The following IMMP1L variants were observed in gnomAD, a reference collection of about 807,000 sequenced individuals.
IMMP1L encodes the protein inner mitochondrial membrane peptidase subunit 1, also known as mitochondrial inner membrane protease subunit 1.
A neutral mutation model predicts 21.8 loss-of-function variants in IMMP1L; 24 were observed. The observed-to-expected ratio is 1.10, with a 90% CI of 0.80 to 1.55. IMMP1L has a LOEUF of 1.55. Ranked by LOEUF, IMMP1L falls within the 40% of genes most tolerant of loss-of-function variation. IMMP1L has a pLI of 0.00. For synonymous variants in IMMP1L, 46 were observed against 62.8 expected, an observed-to-expected ratio of 0.73 and a Z score of 1.26; for missense variants, 195 against 200.7, an observed-to-expected ratio of 0.97 and a Z score of 0.17.
At chr11:31,453,209 C>T in intron 4 of IMMP1L, 1 of 650,548 alleles carries the variant, frequency 1.5e-6, no homozygotes, top group Admixed American at 3.5e-5. Context: ...AATGATCCCA[C>T]ATCACTACAT....
rs531057680 is a variant in IMMP1L, at chr11:31,506,348, C to A, written c.-30+3171G>T. On this transcript the variant is annotated intron_variant, in intron 1 of 5. Coordinates refer to ENST00000532287, the MANE Select transcript of IMMP1L (RefSeq NM_001304274.2). ...GGTTCACCCCATTCTCCTGCCTCAG[C>A]CTCCTGAGCAGCTGGGACCACAGAA... 4.7e-4 allele frequency among the ~76,000 whole-genome samples: 72 copies of A among 151,714 alleles called. No homozygotes were observed. In the South Asian group the frequency reaches 0.014, roughly 29 times the overall value.
chr11:31,438,794 T>A (rs1410110346), intron 4 of IMMP1L, among the ~76,000 whole-genome samples: 1 of 152,188 alleles, frequency 6.6e-6, no homozygotes. Flanking sequence ...ATCTTATTCT[T>A]GAAGTTGTTA....
chr11:31,500,460 C>T (rs1254438765), intron 1 of IMMP1L, among the ~76,000 whole-genome samples: 1 of 152,016 alleles, frequency 6.6e-6, no homozygotes, highest in Non-Finnish European at 1.5e-5. Context: ...CTGTCTGCCA[C>T]CACCTTCTCC....
intron 1 of IMMP1L, among the ~76,000 whole-genome samples, chr11:31,499,558 T>A (rs563475653): frequency 3.3e-5 from 5 of 152,138 alleles, no homozygotes; most frequent in Non-Finnish European, 7.4e-5. Context: ...CCAGATATGG[T>A]TAGCAAATTA....
chr11:31,491,375 T>G (rs1299825885), intron 1 of IMMP1L, among the ~76,000 whole-genome samples: 1 of 152,196 alleles, frequency 6.6e-6, no homozygotes. Context: ...AGGTTTCTGA[T>G]GAACTCTCAA....
chr11:31,509,235 C>G (rs952662594), intron 1 of IMMP1L, among the ~76,000 whole-genome samples: 2 of 152,198 alleles, frequency 1.3e-5, no homozygotes, highest in Admixed American at 1.3e-4. Context: ...CACTAACGAA[C>G]TAAGCCCAGA....
At chr11:31,451,974 A>T (rs566604900) in intron 4 of IMMP1L, among the ~76,000 whole-genome samples, 1 of 152,224 alleles carries the variant, frequency 6.6e-6, no homozygotes, top group Non-Finnish European at 1.5e-5. Flanking sequence ...TTTGAGAACA[A>T]CTATTTCAAA....
intron 1 of IMMP1L, among the ~76,000 whole-genome samples, chr11:31,465,743 T>C (rs557168325): frequency 3.9e-5 from 6 of 152,140 alleles, no homozygotes; most frequent in Non-Finnish European, 8.8e-5. Context: ...TATCCACATG[T>C]AGAAGGACAA....
intron 4 of IMMP1L, among the ~76,000 whole-genome samples, chr11:31,447,217 C>G (rs1348766301): frequency 6.6e-6 from 1 of 152,190 alleles, no homozygotes; most frequent in South Asian, 2.1e-4. Context: ...ACTCCTATAG[C>G]CTCCTGAAAG....
intron 4 of IMMP1L, among the ~76,000 whole-genome samples, chr11:31,445,457 A>T (rs185300765): frequency 1.1e-3 from 175 of 152,346 alleles, no homozygotes; most frequent in African/African-American, 4.1e-3. Context: ...TTTATATCTG[A>T]AAGGGTATTA....
intron 1 of IMMP1L, among the ~76,000 whole-genome samples, chr11:31,498,992 G>A (rs1040595001): frequency 1.3e-5 from 2 of 152,148 alleles, no homozygotes; most frequent in Non-Finnish European, 2.9e-5. Context: ...GTTTTACCAT[G>A]TGTCTTTTGA....
intron 1 of IMMP1L, among the ~76,000 whole-genome samples, chr11:31,471,659 T>G (rs1954555950): frequency 6.6e-6 from 1 of 152,136 alleles, no homozygotes; most frequent in Non-Finnish European, 1.5e-5. Flanking sequence ...TTTGTCAGTT[T>G]GATGGTAGAA....
intron 1 of IMMP1L, among the ~76,000 whole-genome samples, chr11:31,506,159 G>A (rs1348188438): frequency 6.6e-6 from 1 of 151,652 alleles, no homozygotes; most frequent in Non-Finnish European, 1.5e-5. Context: ...CCTGAGCTCT[G>A]GTGCACTTCC....
At chr11:31,451,413 T>G (rs1180354199) in intron 4 of IMMP1L, among the ~76,000 whole-genome samples, 1 of 152,174 alleles carries the variant, frequency 6.6e-6, no homozygotes, top group Admixed American at 6.5e-5. Flanking sequence ...AACTAATGGA[T>G]GGTAGCAGTG....
At chr11:31,441,670 A>G (rs1453636733) in intron 4 of IMMP1L, among the ~76,000 whole-genome samples, 3 of 152,156 alleles carry the variant, frequency 2.0e-5, no homozygotes, top group African/African-American at 7.2e-5. Context: ...TTCAAACCAG[A>G]TAATAGAAAA....
intron 4 of IMMP1L, among the ~76,000 whole-genome samples, chr11:31,449,302 G>C (rs1336856096): frequency 6.6e-6 from 1 of 152,078 alleles, no homozygotes; most frequent in Non-Finnish European, 1.5e-5. Context: ...TTGACTTTTA[G>C]CTAAGGGAAA....
intron 4 of IMMP1L, among the ~76,000 whole-genome samples, chr11:31,441,325 CTTTTT>C (rs755909397): frequency 8.4e-6 from 1 of 118,474 alleles, no homozygotes; most frequent in Non-Finnish European, 1.8e-5. Flanking sequence ...CAGGGTTGGG[CTTTTT>C]TTTTTTTTTT....
chr11:31,491,730 T>A (rs551194740), intron 1 of IMMP1L, among the ~76,000 whole-genome samples: 1 of 152,336 alleles, frequency 6.6e-6, no homozygotes, highest in Non-Finnish European at 1.5e-5. Flanking sequence ...AAAAACCTTT[T>A]CTGAAGAGAT....
At chr11:31,434,938 A>C (rs1953069814) in intron 4 of IMMP1L, among the ~76,000 whole-genome samples, 1 of 152,178 alleles carries the variant, frequency 6.6e-6, no homozygotes. Context: ...TCTAGTAGGA[A>C]AGTGTGTACA....
Sources: gnomAD v4.1 joint callset for allele counts (sites outside exome capture counted in the v4.1 genomes callset) on GRCh38, gnomAD v4.1.1 for gene constraint, MANE v1.5 for transcripts, NCBI Gene and HGNC (gene_info 2026-07-23, HGNC 2026-07-21) for gene names.